AKAP19: variants seen among roughly 807,000 people sequenced by gnomAD.
AKAP19 encodes A-kinase anchoring protein 19.
At chr2:189,939,971 C>T in the AKAP19 span, among the ~76,000 whole-genome samples, 1 of 151,938 alleles carries the variant, frequency 6.6e-6, no homozygotes, top group Admixed American at 6.6e-5. Context: ...AAGGCAAAAC[C>T]CCATCTCTAC....
At chr2:190,120,009 A>G in the AKAP19 span, among the ~76,000 whole-genome samples, 1 of 152,122 alleles carries the variant, frequency 6.6e-6, no homozygotes, top group Non-Finnish European at 1.5e-5. Flanking sequence ...AAGTAGTTGT[A>G]ATGGAAAAGA....
chr2:189,988,699 T>G, the AKAP19 span, among the ~76,000 whole-genome samples: 2 of 152,320 alleles, frequency 1.3e-5, no homozygotes, highest in Non-Finnish European at 2.9e-5. Flanking sequence ...TGGCCAGACT[T>G]CTAGTTTTCC....
At chr2:189,997,331 G>A in the AKAP19 span, among the ~76,000 whole-genome samples, 6 of 152,156 alleles carry the variant, frequency 3.9e-5, no homozygotes, top group Non-Finnish European at 8.8e-5. Context: ...GTGATGGATG[G>A]GGCCGTAAAG....
At chr2:190,197,517 CTTATA>C in the AKAP19 span, among the ~76,000 whole-genome samples, 1 of 152,180 alleles carries the variant, frequency 6.6e-6, no homozygotes, top group Admixed American at 6.5e-5. The surrounding 1 kb of genome is among the most constrained non-coding windows in gnomAD (Gnocchi z 4.0). Context: ...TGAACTCTAT[CTTATA>C]AATTCCAGCT....
the AKAP19 span, among the ~76,000 whole-genome samples, chr2:190,114,292 TA>T: frequency 1.3e-5 from 2 of 152,252 alleles, no homozygotes; most frequent in South Asian, 4.1e-4. Context: ...TACTCATTCA[TA>T]CTTTTCATAT....
the AKAP19 span, among the ~76,000 whole-genome samples, chr2:190,019,544 G>C: frequency 6.6e-6 from 1 of 151,956 alleles, no homozygotes. Flanking sequence ...ACTGCTGGCA[G>C]GTACACAGAG....
the AKAP19 span, among the ~76,000 whole-genome samples, chr2:189,994,099 C>T: frequency 6.6e-6 from 1 of 151,804 alleles, no homozygotes; most frequent in African/African-American, 2.4e-5. Flanking sequence ...CAACCTCCAC[C>T]TCCTGGGTTC....
At chr2:190,189,396 TGGAA>T in the AKAP19 span, among the ~76,000 whole-genome samples, 2 of 152,152 alleles carry the variant, frequency 1.3e-5, no homozygotes, top group Non-Finnish European at 2.9e-5. Flanking sequence ...GGTCAGCAAG[TGGAA>T]GAGCCAGACC....
At chr2:190,106,213 G>T in the AKAP19 span, among the ~76,000 whole-genome samples, 1 of 152,126 alleles carries the variant, frequency 6.6e-6, no homozygotes, top group South Asian at 2.1e-4. Context: ...ACATCTAAAT[G>T]GCCTCATATG....
At chr2:190,018,313 C>T in the AKAP19 span, among the ~76,000 whole-genome samples, 1 of 152,046 alleles carries the variant, frequency 6.6e-6, no homozygotes, top group East Asian at 1.9e-4. Context: ...CTTATAATTT[C>T]TGTAAACTTT....
the AKAP19 span, among the ~76,000 whole-genome samples, chr2:190,005,167 C>G: frequency 6.6e-6 from 1 of 152,178 alleles, no homozygotes; most frequent in Non-Finnish European, 1.5e-5. Context: ...AAAGAGTCAG[C>G]AGCAGCAAGA....
the AKAP19 span, among the ~76,000 whole-genome samples, chr2:190,117,814 G>A: frequency 4.4e-3 from 677 of 152,332 alleles, 9 homozygotes; most frequent in African/African-American, 0.015. Context: ...CATATGGGAA[G>A]ACAGACTCTT....
chr2:189,969,937 AT>A, the AKAP19 span, among the ~76,000 whole-genome samples: 2 of 146,994 alleles, frequency 1.4e-5, no homozygotes, highest in African/African-American at 5.1e-5. Flanking sequence ...CAGTGGCACA[AT>A]CTCAGCTCAC....
the AKAP19 span, among the ~76,000 whole-genome samples, chr2:190,188,896 G>A: frequency 6.4e-3 from 979 of 152,104 alleles, 12 homozygotes; most frequent in African/African-American, 0.022. Context: ...AATATGTGGG[G>A]GCAGTTTACT....
At chr2:190,064,503 C>T in the AKAP19 span, among the ~76,000 whole-genome samples, 1 of 152,078 alleles carries the variant, frequency 6.6e-6, no homozygotes, top group Middle Eastern at 3.4e-3. Flanking sequence ...TCAACTTTGC[C>T]ACTTCTAACT....
chr2:190,199,589 AGATTTCTTC>A, the AKAP19 span: 1 of 502,012 alleles, frequency 2.0e-6, no homozygotes, highest in Non-Finnish European at 3.0e-6. Flanking sequence ...TTTTTACCTC[AGATTTCTTC>A]CATGTGACCA....
chr2:189,947,220 G>A, the AKAP19 span, among the ~76,000 whole-genome samples: 1 of 152,130 alleles, frequency 6.6e-6, no homozygotes, highest in Non-Finnish European at 1.5e-5. Flanking sequence ...TGAAGAACTA[G>A]TAACAGAAAG....
the AKAP19 span, among the ~76,000 whole-genome samples, chr2:189,884,857 G>A: frequency 6.6e-6 from 1 of 152,178 alleles, no homozygotes; most frequent in Admixed American, 6.5e-5. Flanking sequence ...TGCTGATGCT[G>A]CTGGTTCAGG....
the AKAP19 span, among the ~76,000 whole-genome samples, chr2:190,149,437 G>A: frequency 2.6e-5 from 4 of 152,076 alleles, no homozygotes; most frequent in Admixed American, 6.6e-5. Flanking sequence ...TGCTCTTTCA[G>A]CGTTTTTGAT....
Sources: allele counts gnomAD v4.1 joint callset (sites outside exome capture counted in the v4.1 genomes callset), GRCh38; gene constraint gnomAD v4.1.1; non-coding constraint Gnocchi (gnomAD v3.1); transcripts MANE v1.5; gene names NCBI Gene and HGNC (gene_info 2026-07-23, HGNC 2026-07-21).